Variants in SYNE2 observed in about 807,000 individuals in gnomAD.
SYNE2 encodes nesprin-2.
In SYNE2, 431 loss-of-function variants were observed where a neutral mutation model predicts 856.3. The observed-to-expected ratio is 0.50, with a 90% CI of 0.47 to 0.55. SYNE2 has a LOEUF of 0.55. Ranked by LOEUF, SYNE2 falls within the 20% of genes least tolerant of loss-of-function variation. SYNE2 has a pLI of 0.00. For missense variants in SYNE2, 8,129 were observed against 8,023.2 expected, an observed-to-expected ratio of 1.01 and a Z score of -0.50; for synonymous variants, 2,923 against 2,872.3, an observed-to-expected ratio of 1.02 and a Z score of -0.56.
chr14:64,204,764 T>G (rs2098597116), intron 100 of SYNE2, among the ~76,000 whole-genome samples: 1 of 152,242 alleles, frequency 6.6e-6, no homozygotes, highest in Non-Finnish European at 1.5e-5. Flanking sequence ...GTGTTAGTTT[T>G]CTACTACTGC....
chr14:64,029,613 T>C (rs2097014768), intron 43 of SYNE2, among the ~76,000 whole-genome samples: 1 of 152,234 alleles, frequency 6.6e-6, no homozygotes, highest in South Asian at 2.1e-4. Flanking sequence ...TATTTCATTT[T>C]ATAAACATCT....
intron 1 of SYNE2, among the ~76,000 whole-genome samples, chr14:63,867,767 C>T (rs973293521): frequency 6.6e-6 from 1 of 151,116 alleles, no homozygotes; most frequent in African/African-American, 2.4e-5. Flanking sequence ...GCAAGCCAGC[C>T]AGCCAGCCAG....
chr14:63,809,430 C>G (rs901575458), intron 1 of SYNE2, among the ~76,000 whole-genome samples: 3 of 152,060 alleles, frequency 2.0e-5, no homozygotes, highest in Non-Finnish European at 2.9e-5. Context: ...AATAGATAAC[C>G]AGGTATTGCC....
At chr14:64,138,749 T>C (rs2098115844) in intron 79 of SYNE2, among the ~76,000 whole-genome samples, 1 of 152,148 alleles carries the variant, frequency 6.6e-6, no homozygotes, top group Non-Finnish European at 1.5e-5. Flanking sequence ...GAGGAGAACA[T>C]AGAACATTTA....
rs552705949 is a variant in SYNE2, at chr14:64,010,149, A to G, written c.4728+33A>G. On this transcript the variant is annotated intron_variant, in intron 32 of 115. Coordinates refer to ENST00000555002, the MANE Select transcript of SYNE2 (RefSeq NM_182914.3). ...CAGGTTCCATTAGAAAAAACTGCCC[A>G]GTGACCTCACTGACAGGCCTGGTAG... The G allele has an allele frequency of 4.1e-5, 66 of 1,594,928 alleles. No homozygotes were observed. The Admixed American group carries it at 4.8e-4, about 12-fold the overall frequency.
At chr14:63,818,306 G>C (rs1889083109) in intron 1 of SYNE2, among the ~76,000 whole-genome samples, 1 of 139,680 alleles carries the variant, frequency 7.2e-6, no homozygotes, top group South Asian at 2.3e-4. Context: ...CTGCACTCCA[G>C]CCTGGTGACA....
Position 64,098,004 on chromosome 14 carries a change from A to G in SYNE2, c.12164A>G (p.Asp4055Gly), listed in dbSNP as rs1180049691. The change falls in exon 62 of 116, where the codon GAC becomes GGC. Residue 4055 changes from aspartate (D) to glycine (G), a missense_variant. Asp to Gly is a moderately conservative substitution (Grantham distance 94, BLOSUM62 -1). Coordinates refer to ENST00000555002, the MANE Select transcript of SYNE2 (RefSeq NM_182914.3). The stretch of plus-strand genomic sequence containing the variant: ...CTGAGTTTGAACCAGAGAAAAGAAG[A>G]CCTGTTGGTGGACTTGAAGGCCACC... Reference protein sequence around the residue: ...QILSLNQRKEDLLVDLKATVL... With the variant: ...QILSLNQRKEGLLVDLKATVL... 6.2e-7 allele frequency: 1 copy of G among 1,614,094 alleles called. No individual in the cohort carries two copies. Among genetic ancestry groups the G allele is most frequent in the Non-Finnish European group, 8.5e-7 (1 of 1,180,040 alleles).
At chr14:63,985,832 G>A (rs1351707583) in intron 18 of SYNE2, among the ~76,000 whole-genome samples, 1 of 152,080 alleles carries the variant, frequency 6.6e-6, no homozygotes, top group Non-Finnish European at 1.5e-5. Flanking sequence ...AACACAGTGA[G>A]ACCCCATCTC....
Position 64,212,891 on chromosome 14 carries a change from C to G in SYNE2, c.18942C>G (p.Ser6314Arg). 2 of 1,614,142 alleles carry G rather than the reference C, an allele frequency of 1.2e-6. No individual in the cohort carries two copies. The highest frequency in any genetic ancestry group is 1.6e-4 in the Middle Eastern group (1 of 6,062). ...TTGGGGAGCAGCTGATTCAGAAGAG[C>G]GAGCCCCTGGATGCTGTGCTGATTG... is the stretch of plus-strand genomic sequence containing the variant. Reference protein sequence around the residue: ...IVFGEQLIQKSEPLDAVLIED... With the variant: ...IVFGEQLIQKREPLDAVLIED... The change falls in exon 105 of 116, where the codon AGC becomes AGG. Residue 6314 changes from serine to arginine, a missense_variant. Ser to Arg is a moderately radical substitution (Grantham distance 110). Transcript: ENST00000555002.
chr14:64,220,524 G>A lies in SYNE2; in HGVS notation c.19948G>A (p.Glu6650Lys), dbSNP rs755027899. The change falls in exon 111 of 116, where the codon GAA becomes AAA. Residue 6650 changes from glutamate (E) to lysine (K), a missense_variant. Physicochemically the swap from Glu to Lys is moderately conservative, Grantham distance 56 (BLOSUM62 1). Around this residue, in one of 3 missense-constraint regions of SYNE2, gnomAD observed 5,410 missense variants for 5,284.8 expected, o/e 1.02. Coordinates refer to ENST00000555002, the MANE Select transcript of SYNE2 (RefSeq NM_182914.3). ...SKEFLQTESP[E>K]STELQSRLRQ... is the part of the protein sequence containing the mutation. ...GGAATTTCTGCAAACCGAGAGCCCC[G>A]AATCCACAGAGCTCCAAAGTAGACT... 4.3e-6 allele frequency: 7 copies of A among 1,614,110 alleles called. No homozygotes were observed. Among genetic ancestry groups the A allele is most frequent in the Non-Finnish European group, 3.4e-6 (4 of 1,180,012 alleles).
In SYNE2 at chr14:64,091,053, G is replaced by T. The variant is rs772490248; in HGVS notation, c.11976+5G>T. On this transcript the variant is annotated splice_donor_5th_base_variant and intron_variant, in intron 60 of 115. Transcript: ENST00000555002. ...GAACAAAATGAGTTATTAAAGGTAA[G>T]CAGTTTCTGATGACATCCAACTTAC... is the stretch of plus-strand genomic sequence containing the variant. 6.2e-7 allele frequency: 1 copy of T among 1,613,602 alleles called. No individual in the cohort carries two copies. The highest frequency in any genetic ancestry group is 1.1e-5 in the South Asian group (1 of 91,040).
intron 65 of SYNE2, among the ~76,000 whole-genome samples, chr14:64,111,385 GTAGCAATATCTGAAAACTAGATA>G (rs1184691565): frequency 5.9e-5 from 9 of 152,114 alleles, no homozygotes; most frequent in African/African-American, 1.7e-4. Flanking sequence ...ATCTTTGTCT[GTAGCAATATCTGAAAACTAGATA>G]TAGCAATATC....
At chr14:63,998,837 A>G in intron 26 of SYNE2, 77 bp from the exon 27 acceptor site, 1 of 1,546,008 alleles carries the variant, frequency 6.5e-7, no homozygotes, top group South Asian at 1.1e-5. Context: ...TGCTAGGATT[A>G]CAGGTGTGAG....
intron 1 of SYNE2, among the ~76,000 whole-genome samples, chr14:63,868,207 T>C (rs1322449585): frequency 6.6e-6 from 1 of 152,180 alleles, no homozygotes; most frequent in Non-Finnish European, 1.5e-5. Context: ...AAAGGTGACC[T>C]AACAGCATTT....
At chr14:64,066,444 A>G (rs776705644) in intron 51 of SYNE2, among the ~76,000 whole-genome samples, 2 of 152,210 alleles carry the variant, frequency 1.3e-5, no homozygotes, top group Non-Finnish European at 2.9e-5. Flanking sequence ...GCAGTGAGCC[A>G]TGATCATGCC....
chr14:63,928,812 A>C (rs1451556156), intron 2 of SYNE2, among the ~76,000 whole-genome samples: 1 of 152,122 alleles, frequency 6.6e-6, no homozygotes, highest in Non-Finnish European at 1.5e-5. Flanking sequence ...ATGTTGCATT[A>C]TTGTCTGAAT....
At chr14:64,136,426 G>C (rs28526278) in intron 78 of SYNE2, among the ~76,000 whole-genome samples, 7,746 of 151,852 alleles carry the variant, frequency 0.051, 239 homozygotes, top group African/African-American at 0.07. Flanking sequence ...TCAGACACGG[G>C]GGGGAGGGGA....
In SYNE2 at chr14:64,208,854, G is replaced by A; in HGVS notation, c.18298G>A (p.Glu6100Lys). 1 of 1,614,202 alleles carries A rather than the reference G, an allele frequency of 6.2e-7. No individual in the cohort carries two copies. The highest frequency in any genetic ancestry group is 8.5e-7 in the Non-Finnish European group (1 of 1,180,044). ...GCACGACTCCGATGCCTGTGCAAAT[G>A]AGACCGAGTGTGACTCGATCCAGCA... ...LLHDSDACANETECDSIQQTT... is the reference protein window; with the variant it reads ...LLHDSDACANKTECDSIQQTT... Residue 6100 changes from glutamate (E) to lysine (K), a missense_variant, in exon 101 of 116, where the codon GAG (glutamate) becomes AAG (lysine). By Grantham distance (56) the Glu-to-Lys change is moderately conservative. Coordinates refer to ENST00000555002, the MANE Select transcript of SYNE2 (RefSeq NM_182914.3).
chr14:63,849,635 G>C (rs1050938917), upstream of SYNE2, among the ~76,000 whole-genome samples: 1 of 152,142 alleles, frequency 6.6e-6, no homozygotes, highest in Non-Finnish European at 1.5e-5. Flanking sequence ...TGCCATCCTT[G>C]TTTAGGCACT....
Sources: allele counts gnomAD v4.1 joint callset (sites outside exome capture counted in the v4.1 genomes callset), GRCh38; gene constraint gnomAD v4.1.1; regional missense constraint gnomAD v4.1.1; transcripts MANE v1.5; gene names NCBI Gene and HGNC (gene_info 2026-07-23, HGNC 2026-07-21).